The following NOC3L variants were observed in gnomAD, a reference collection of about 807,000 sequenced individuals.
NOC3L encodes the protein nucleolar complex protein 3 homolog.
In NOC3L, 85 loss-of-function variants were observed where a neutral mutation model predicts 102.5. The ratio of observed to expected loss-of-function variants is 0.83; its 90% CI spans 0.70 to 0.99. NOC3L has a LOEUF of 0.99. Among genes scored for constraint, NOC3L ranks in the 50% least tolerant of loss-of-function variants. The pLI is 0.00. For missense variants in NOC3L, 878 were observed against 914.9 expected (o/e 0.96, Z 0.52); for synonymous variants, 303 against 309.4 (o/e 0.98, Z 0.22).
intron 10 of NOC3L, among the ~76,000 whole-genome samples, chr10:94,348,951 T>A (rs1485362812): frequency 6.6e-6 from 1 of 152,106 alleles, no homozygotes; most frequent in Non-Finnish European, 1.5e-5. Context: ...TAACCCTATA[T>A]GTAAGTTCAC....
intron 5 of NOC3L, among the ~76,000 whole-genome samples, chr10:94,355,492 T>C (rs191670639): frequency 3.4e-3 from 509 of 151,802 alleles, no homozygotes; most frequent in African/African-American, 0.012. Context: ...CCAGGTTCAA[T>C]TGATCCTCCC....
chr10:94,336,180 T>C (rs1432174580), intron 19 of NOC3L, among the ~76,000 whole-genome samples: 2 of 152,152 alleles, frequency 1.3e-5, no homozygotes, highest in African/African-American at 4.8e-5. Context: ...GCTGTGGCAC[T>C]GCTCCCATTC....
the NOC3L span, chr10:94,324,426 G>A: frequency 6.2e-7 from 1 of 1,614,122 alleles, no homozygotes; most frequent in Non-Finnish European, 8.5e-7. Flanking sequence ...TGGAAGAGGT[G>A]GTGAAAGACA....
At chr10:94,338,320 G>C (rs530877734) in intron 18 of NOC3L, among the ~76,000 whole-genome samples, 2 of 152,140 alleles carry the variant, frequency 1.3e-5, no homozygotes, top group Non-Finnish European at 2.9e-5. Flanking sequence ...ATCCTCTGAA[G>C]AGTGTTAGGG....
At position 94,334,140 on chromosome 10, in the gene NOC3L, C is replaced by T; in HGVS notation, c.*37G>A. 1 of 950,512 alleles carries T rather than the reference C, an allele frequency of 1.1e-6. No homozygotes were observed. Among genetic ancestry groups the T allele is most frequent in the South Asian group, 1.4e-5 (1 of 71,158 alleles). 58.9% of individuals were successfully genotyped at this position (950,512 alleles called of 1,614,324 possible). On this transcript the variant is annotated 3_prime_UTR_variant, in exon 21 of 21. Coordinates refer to ENST00000371361, the MANE Select transcript of NOC3L (RefSeq NM_022451.11). ...TCATCTTTATGTACATCTGCACACA[C>T]AAATATACAAGAAAGTCCACTGACT...
intron 9 of NOC3L, among the ~76,000 whole-genome samples, 176 bp downstream of exon 9, chr10:94,349,937 T>A (rs1034094874): frequency 2.6e-5 from 4 of 151,918 alleles, no homozygotes; most frequent in African/African-American, 9.7e-5. Flanking sequence ...TTTTTGTATT[T>A]TTAGTAGAGA....
rs781306430 is a variant in NOC3L at position 94,340,272 on chromosome 10, A to G, written c.1780+4T>C. 1.5e-5 allele frequency: 24 copies of G among 1,601,306 alleles called. No homozygotes were observed. Among genetic ancestry groups the G allele is most frequent in the Non-Finnish European group, 1.9e-5 (22 of 1,170,348 alleles). On this transcript the variant is annotated splice_donor_region_variant and intron_variant, in intron 16 of 20. Coordinates refer to ENST00000371361, the MANE Select transcript of NOC3L (RefSeq NM_022451.11). ...TAAAAGAAACATTATCTAAACATAC[A>G]TACCTGCATGTAATTTGAACAGTGT...
At position 94,333,560 on chromosome 10, in the gene NOC3L, TC is replaced by T. The variant is rs1196715586; in HGVS notation, c.*616del. On this transcript the variant is annotated 3_prime_UTR_variant, in exon 21 of 21. Transcript: ENST00000371361. ...AGAGACTAGAATCATATTCAAACTTTCCTTGAAAGTAGCTATAATAAACACT... is the reference window on the plus strand; with the variant it reads ...AGAGACTAGAATCATATTCAAACTTTCTTGAAAGTAGCTATAATAAACACT... 1 of 152,168 alleles carries T rather than the reference TC, an allele frequency of 6.6e-6. No homozygotes were observed. The highest frequency in any genetic ancestry group is 2.1e-4 in the South Asian group (1 of 4,834). 9.4% of individuals were successfully genotyped at this position (152,168 alleles called of 1,614,324 possible). A position where few individuals can be genotyped will look rare whatever the true frequency, so the allele number is the denominator to read the frequency against.
In NOC3L at chr10:94,355,809, C is replaced by T. The variant is rs576929897; in HGVS notation, c.566-716G>A. Among the ~76,000 whole-genome samples, 6 of 152,050 alleles carry T rather than the reference C, an allele frequency of 3.9e-5. No individual in the cohort carries two copies. In the South Asian group the frequency reaches 1.0e-3, roughly 26 times the overall value. On this transcript the variant is annotated intron_variant, in intron 5 of 20. Coordinates refer to ENST00000371361, the MANE Select transcript of NOC3L (RefSeq NM_022451.11). ...AGAATATTCTCCTTTGTTTTTAACA[C>T]TATATATTACTTTATACAAACTAAT...
chr10:94,321,996 A>G, the NOC3L span: 1 of 1,614,108 alleles, frequency 6.2e-7, no homozygotes, highest in Non-Finnish European at 8.5e-7. Context: ...ATGTTTCTCC[A>G]GAGCAACCTC....
rs749056248 is a variant in NOC3L, at chr10:94,350,064, G to A, written c.1128+49C>T. 6 of 1,583,938 alleles carry A rather than the reference G, an allele frequency of 3.8e-6. No homozygotes were observed. In the Admixed American group the frequency reaches 8.4e-5, roughly 22 times the overall value. ...TGAGCCACCGTGCCTGGCCCACATG[G>A]TGTATAATTTTCTAAGGAGGACAGC... On this transcript the variant is annotated intron_variant, in intron 9 of 20. Transcript: ENST00000371361.
the NOC3L span, chr10:94,324,349 A>G: frequency 6.2e-7 from 1 of 1,612,048 alleles, no homozygotes; most frequent in Non-Finnish European, 8.5e-7. Flanking sequence ...TACCTTTCAG[A>G]CCTTATGCAA....
At chr10:94,343,952 C>T (rs917835890) in intron 13 of NOC3L, among the ~76,000 whole-genome samples, 6 of 152,198 alleles carry the variant, frequency 3.9e-5, no homozygotes, top group African/African-American at 1.4e-4. Flanking sequence ...ATGACAACCA[C>T]AACCCTTACT....
chr10:94,327,535 G>C, the NOC3L span, among the ~76,000 whole-genome samples: 1 of 152,158 alleles, frequency 6.6e-6, no homozygotes, highest in East Asian at 1.9e-4. Flanking sequence ...GAGGGAGAGA[G>C]AGCAAAAAGA....
At chr10:94,353,094 T>C (rs755360187) in intron 6 of NOC3L, 37 bp from the exon 7 acceptor site, 3 of 1,535,886 alleles carry the variant, frequency 2.0e-6, no homozygotes, top group Non-Finnish European at 8.8e-7. Flanking sequence ...GGAGAAATCA[T>C]GACGAAACAA....
chr10:94,324,882 GT>G, the NOC3L span: 3 of 1,613,660 alleles, frequency 1.9e-6, no homozygotes, highest in Admixed American at 5.0e-5. Context: ...AAGGTTCTTT[GT>G]TCCCACAGGC....
At chr10:94,328,002 C>T in the NOC3L span, 1 of 531,764 alleles carries the variant, frequency 1.9e-6, no homozygotes, top group South Asian at 1.4e-5. Context: ...AAAGAGTGAA[C>T]ATGGTGGAAA....
the NOC3L span, chr10:94,315,088 G>A: frequency 4.3e-6 from 1 of 233,722 alleles, no homozygotes; most frequent in Non-Finnish European, 8.5e-6. Context: ...GGGTGATGCT[G>A]GCCCTCTTGT....
In NOC3L at chr10:94,334,727, C is replaced by G. The variant is rs1366579395; in HGVS notation, c.2190-9G>C. 1 of 1,595,326 alleles carries G rather than the reference C, an allele frequency of 6.3e-7. No homozygotes were observed. The highest frequency in any genetic ancestry group is 8.6e-7 in the Non-Finnish European group (1 of 1,166,772). ...AAAGTTCAGTAGCAGATCTAAATCA[C>G]AAACACAAAAAATGTAAAGATACCA... On this transcript the variant is annotated splice_polypyrimidine_tract_variant and intron_variant, in intron 19 of 20. Coordinates refer to ENST00000371361, the MANE Select transcript of NOC3L (RefSeq NM_022451.11).
Sources: gnomAD v4.1 joint callset for allele counts (sites outside exome capture counted in the v4.1 genomes callset) on GRCh38, gnomAD v4.1.1 for gene constraint, MANE v1.5 for transcripts, NCBI Gene and HGNC (gene_info 2026-07-23, HGNC 2026-07-21) for gene names.